Variants in FAM184A observed in about 807,000 individuals in gnomAD.
FAM184A encodes the protein family with sequence similarity 184 member A.
Under a neutral mutation model 143.8 loss-of-function variants are expected in FAM184A, and 99 were observed. That is an observed-to-expected ratio of 0.69 (90% CI 0.58 to 0.81). The LOEUF is 0.81. Among genes scored for constraint, FAM184A ranks in the 40% least tolerant of loss-of-function variants. The probability of loss-of-function intolerance (pLI) is 0.00; values close to 1 mark genes in which losing one functional copy is unlikely to be tolerated. For synonymous variants in FAM184A, 427 were observed against 446.4 expected, an observed-to-expected ratio of 0.96 and a Z score of 0.55; for missense variants, 1,217 against 1,310.5, an observed-to-expected ratio of 0.93 and a Z score of 1.10.
chr6:119,110,236 A>G (rs955547023), intron 1 of FAM184A, among the ~76,000 whole-genome samples: 4 of 151,972 alleles, frequency 2.6e-5, no homozygotes, highest in African/African-American at 9.7e-5. Flanking sequence ...ATGTGCGTTT[A>G]TTTTCCTGGT....
intron 1 of FAM184A, among the ~76,000 whole-genome samples, chr6:119,029,188 T>TA (rs1785778406): frequency 6.6e-6 from 1 of 152,040 alleles, no homozygotes. Context: ...TTCAACGAGG[T>TA]AAAATCCAAA....
At chr6:119,029,247 A>C (rs1219119537) in intron 1 of FAM184A, among the ~76,000 whole-genome samples, 7 of 152,220 alleles carry the variant, frequency 4.6e-5, no homozygotes, top group African/African-American at 1.7e-4. Context: ...TGTTCCAGGA[A>C]ATGATCTGGG....
intron 1 of FAM184A, among the ~76,000 whole-genome samples, chr6:119,122,638 T>C (rs906155815): frequency 1.3e-5 from 2 of 152,116 alleles, no homozygotes; most frequent in African/African-American, 2.4e-5. Flanking sequence ...AAAATGGCAT[T>C]GGGAGGGGCG....
At chr6:119,144,664 T>G (rs945745950) in intron 1 of FAM184A, among the ~76,000 whole-genome samples, 2 of 152,214 alleles carry the variant, frequency 1.3e-5, no homozygotes, top group African/African-American at 2.4e-5. Context: ...TTTGCTAGCT[T>G]GTGGTGAAGA....
chr6:118,971,548 T>TAA (rs35440412), intron 14 of FAM184A, among the ~76,000 whole-genome samples: 22 of 151,456 alleles, frequency 1.5e-4, no homozygotes, highest in African/African-American at 5.1e-4. Context: ...ATCATTCAGA[T>TAA]AAAAAAAAAT....
intron 1 of FAM184A, among the ~76,000 whole-genome samples, chr6:119,061,716 T>C (rs1222159563): frequency 6.6e-6 from 1 of 151,696 alleles, no homozygotes; most frequent in Non-Finnish European, 1.5e-5. Context: ...GAGAAGTTTG[T>C]TCAGCATGAA....
At chr6:119,117,213 G>C (rs990244066) in intron 1 of FAM184A, among the ~76,000 whole-genome samples, 4 of 152,190 alleles carry the variant, frequency 2.6e-5, no homozygotes, top group African/African-American at 9.6e-5. Context: ...GGGTGAGAGA[G>C]AGTGAGAAAC....
chr6:118,970,892 CT>C (rs1311495386), intron 14 of FAM184A, among the ~76,000 whole-genome samples: 1 of 151,906 alleles, frequency 6.6e-6, no homozygotes, highest in Non-Finnish European at 1.5e-5. Context: ...TTACAAATGC[CT>C]AAAAAGCTGT....
chr6:118,989,076 C>T (rs1266163438), intron 9 of FAM184A, among the ~76,000 whole-genome samples: 2 of 151,682 alleles, frequency 1.3e-5, no homozygotes, highest in Non-Finnish European at 2.9e-5. Context: ...ATTCTCCTGC[C>T]TCAGCCTCCC....
intron 7 of FAM184A, 119 bp downstream of exon 7, chr6:119,006,328 G>T: frequency 1.0e-6 from 1 of 975,238 alleles, no homozygotes; most frequent in Non-Finnish European, 1.6e-6. Flanking sequence ...TGTTATGGTA[G>T]TTCTAAGAAC....
intron 14 of FAM184A, among the ~76,000 whole-genome samples, chr6:118,971,908 G>A (rs551056518): frequency 5.9e-5 from 9 of 152,340 alleles, no homozygotes; most frequent in African/African-American, 2.2e-4. Flanking sequence ...GTGGCAGGCT[G>A]TGGCCTGTCA....
chr6:119,112,230 C>A (rs1040931860), intron 1 of FAM184A, among the ~76,000 whole-genome samples: 25 of 151,944 alleles, frequency 1.6e-4, no homozygotes, highest in African/African-American at 6.0e-4. Context: ...CTCCCGGGTT[C>A]AAGCAATTCT....
At chr6:119,004,065 T>C (rs1467041406) in intron 7 of FAM184A, among the ~76,000 whole-genome samples, 1 of 152,242 alleles carries the variant, frequency 6.6e-6, no homozygotes, top group Non-Finnish European at 1.5e-5. Flanking sequence ...ATAAAAATAA[T>C]TATGCAGAAT....
At chr6:119,002,436 C>T (rs1265181332) in intron 9 of FAM184A, among the ~76,000 whole-genome samples, 1 of 152,076 alleles carries the variant, frequency 6.6e-6, no homozygotes, top group African/African-American at 2.4e-5. Context: ...TTATGTTATA[C>T]TCTAAGGGGC....
At position 119,078,237 on chromosome 6, in the gene FAM184A, C is replaced by T; in HGVS notation, c.63G>A (p.Ala21=). 1.3e-6 allele frequency: 2 copies of T among 1,533,466 alleles called. No homozygotes were observed. The highest frequency in any genetic ancestry group is 1.2e-5 in the South Asian group (1 of 83,074). The allele number at this position is 1,533,466 out of a possible 1,614,324, so 95.0% of individuals were successfully genotyped here. A position where few individuals can be genotyped will look rare whatever the true frequency, so the allele number is the denominator to read the frequency against. The change falls in exon 1 of 18, where the codon GCG becomes GCA. Residue 21 remains alanine, a synonymous_variant. Coordinates refer to ENST00000338891, the MANE Select transcript of FAM184A (RefSeq NM_024581.6). This position sits in a 1 kb window ranked among gnomAD's most constrained non-coding sequence, Gnocchi z 5.5. Reference sequence around the variant, plus strand: ...CCAGCTGTGCGGTGGCCGGCGAGGGCGCGAATTTGGCCGCCGAGCCGCCGT... The same window carrying T: ...CCAGCTGTGCGGTGGCCGGCGAGGGTGCGAATTTGGCCGCCGAGCCGCCGT... The part of the protein sequence containing the change: ...HYYGGSAAKF[A]PSPATAQLAG...
chr6:118,988,777 T>C (rs1175485945), intron 9 of FAM184A, among the ~76,000 whole-genome samples: 1 of 152,140 alleles, frequency 6.6e-6, no homozygotes, highest in Non-Finnish European at 1.5e-5. Context: ...TTTATGTTGA[T>C]ACACCATTGG....
chr6:119,031,692 A>C (rs1785878054), intron 1 of FAM184A, among the ~76,000 whole-genome samples: 1 of 152,214 alleles, frequency 6.6e-6, no homozygotes, highest in Non-Finnish European at 1.5e-5. Flanking sequence ...ACATTCACTA[A>C]AGTGATATAT....
At chr6:118,990,524 G>A (rs1294930250) in intron 9 of FAM184A, among the ~76,000 whole-genome samples, 3 of 152,066 alleles carry the variant, frequency 2.0e-5, no homozygotes, top group African/African-American at 7.2e-5. Flanking sequence ...GCTGCTGGGT[G>A]GCAATACCAC....
intron 1 of FAM184A, among the ~76,000 whole-genome samples, chr6:119,036,192 C>CT (rs1423046393): frequency 7.2e-6 from 1 of 138,598 alleles, no homozygotes; most frequent in African/African-American, 2.7e-5. Flanking sequence ...TGATTCACGT[C>CT]TTTTTTTCCC....
Sources: allele counts gnomAD v4.1 joint callset (sites outside exome capture counted in the v4.1 genomes callset), GRCh38; gene constraint gnomAD v4.1.1; non-coding constraint Gnocchi (gnomAD v3.1); transcripts MANE v1.5; gene names NCBI Gene and HGNC (gene_info 2026-07-23, HGNC 2026-07-21).